Variants in VAV3 observed in about 807,000 individuals in gnomAD.
VAV3 encodes vav guanine nucleotide exchange factor 3.
VAV3 carries 94 observed loss-of-function variants against 131.2 expected under a neutral mutation model. The observed-to-expected ratio is 0.72, with a 90% CI of 0.61 to 0.85. VAV3 has a LOEUF of 0.85. Among genes scored for constraint, VAV3 ranks in the 40% least tolerant of loss-of-function variants. VAV3 has a pLI of 0.00. For missense variants in VAV3, 939 were observed against 1,002.7 expected (o/e 0.94, Z 0.86); for synonymous variants, 349 against 342.0 (o/e 1.02, Z -0.22).
At chr1:107,747,030 C>T (rs1358164297) in intron 15 of VAV3, among the ~76,000 whole-genome samples, 1 of 152,084 alleles carries the variant, frequency 6.6e-6, no homozygotes, top group Non-Finnish European at 1.5e-5. Context: ...CAGGCATGTG[C>T]CACCACACCC....
chr1:107,756,400 G>A (rs540435267), intron 11 of VAV3, among the ~76,000 whole-genome samples: 80 of 152,014 alleles, frequency 5.3e-4, no homozygotes, highest in African/African-American at 1.5e-3. Flanking sequence ...ATCCATAAAC[G>A]ACTTCTTTAA....
At chr1:107,706,229 A>G (rs1297695191) in intron 15 of VAV3, among the ~76,000 whole-genome samples, 1 of 152,144 alleles carries the variant, frequency 6.6e-6, no homozygotes, top group African/African-American at 2.4e-5. Flanking sequence ...CTTTTATAGA[A>G]TACAGCAACT....
At chr1:107,755,869 A>T (rs904024954) in intron 11 of VAV3, among the ~76,000 whole-genome samples, 8 of 152,188 alleles carry the variant, frequency 5.3e-5, no homozygotes, top group African/African-American at 1.7e-4. Flanking sequence ...TGAGAGCATG[A>T]TATTTTTACA....
chr1:107,600,214 G>T (rs12127127), intron 24 of VAV3, among the ~76,000 whole-genome samples: 4,846 of 152,172 alleles, frequency 0.032, 113 homozygotes, highest in East Asian at 0.066. Flanking sequence ...ATATAAATTT[G>T]CTCAACAAAT....
chr1:107,851,189 A>G (rs1266750175), intron 2 of VAV3, among the ~76,000 whole-genome samples: 2 of 151,482 alleles, frequency 1.3e-5, no homozygotes, highest in Non-Finnish European at 2.9e-5. Context: ...AAAAAAAAAA[A>G]AGAAGCCGGC....
intron 12 of VAV3, among the ~76,000 whole-genome samples, chr1:107,753,536 A>ATATATACATATATATATATG (rs1553201297): frequency 0.012 from 1,116 of 94,542 alleles, 23 homozygotes; most frequent in Non-Finnish European, 0.017. Context: ...ACGTATATAT[A>ATATATACATATATATATATG]TATATATATA....
At chr1:107,751,315 A>C in intron 12 of VAV3, 113 bp from the exon 13 acceptor site, 1 of 848,094 alleles carries the variant, frequency 1.2e-6, no homozygotes, top group Non-Finnish European at 1.8e-6. Context: ...AAATGTTACC[A>C]TTTTTTATAC....
At chr1:107,894,847 CT>C (rs1671489141) in intron 1 of VAV3, among the ~76,000 whole-genome samples, 1 of 152,182 alleles carries the variant, frequency 6.6e-6, no homozygotes, top group Admixed American at 6.5e-5. Flanking sequence ...TCCTGGTGTT[CT>C]GGTTGCCTGA....
At chr1:107,924,368 T>A (rs1173726526) in intron 1 of VAV3, among the ~76,000 whole-genome samples, 1 of 151,794 alleles carries the variant, frequency 6.6e-6, no homozygotes, top group Non-Finnish European at 1.5e-5. Flanking sequence ...GATAACAAAT[T>A]TTACCCTCCA....
intron 25 of VAV3, 98 bp downstream of exon 25, chr1:107,596,114 A>G (rs985464724): frequency 1.3e-6 from 2 of 1,490,424 alleles, no homozygotes; most frequent in Non-Finnish European, 1.8e-6. Flanking sequence ...TAGCGCATCC[A>G]TTGGTTATAT....
intron 1 of VAV3, among the ~76,000 whole-genome samples, chr1:107,930,714 A>G (rs538325223): frequency 3.9e-5 from 6 of 152,314 alleles, no homozygotes; most frequent in Admixed American, 3.3e-4. Context: ...TGAAAAGTCA[A>G]TGAAAAACTT....
chr1:107,637,134 T>G lies in VAV3; in HGVS notation c.1914+5485A>C, dbSNP rs865866325. Among the ~76,000 whole-genome samples the G allele has an allele frequency of 2.6e-5, 4 of 152,218 alleles. No individual in the cohort carries two copies. The East Asian group carries it at 7.7e-4, about 29-fold the overall frequency. The stretch of plus-strand genomic sequence containing the variant: ...TACATTACTGATATCGGGAATGAGA[T>G]GGATAATACAACCACAGATTCTATA... On this transcript the variant is annotated intron_variant, in intron 20 of 26. Transcript: ENST00000370056.
chr1:107,709,233 TCTC>T (rs1339861929), intron 15 of VAV3, among the ~76,000 whole-genome samples: 2 of 152,128 alleles, frequency 1.3e-5, no homozygotes, highest in Admixed American at 1.3e-4. Context: ...GGGTGCATCT[TCTC>T]CTTCTTACCA....
chr1:107,664,150 T>G (rs1657241144), intron 19 of VAV3, among the ~76,000 whole-genome samples: 1 of 152,190 alleles, frequency 6.6e-6, no homozygotes, highest in East Asian at 1.9e-4. Context: ...TTTTTCACCT[T>G]GTTTTGTACA....
intron 2 of VAV3, among the ~76,000 whole-genome samples, chr1:107,829,586 T>C (rs1200397722): frequency 6.6e-6 from 1 of 152,150 alleles, no homozygotes; most frequent in Non-Finnish European, 1.5e-5. Flanking sequence ...TCCTGTAAAA[T>C]AACCACAGTA....
intron 1 of VAV3, 35 bp downstream of exon 1, chr1:107,964,631 G>T: frequency 6.2e-7 from 1 of 1,600,028 alleles, no homozygotes; most frequent in Non-Finnish European, 8.5e-7. Context: ...GGGAGCTGCC[G>T]GCTGGAGGCG....
chr1:107,823,757 AGGCCCTG>A (rs1667897906), intron 2 of VAV3, among the ~76,000 whole-genome samples: 1 of 152,202 alleles, frequency 6.6e-6, no homozygotes, highest in Non-Finnish European at 1.5e-5. Flanking sequence ...CATAAGGGTG[AGGCCCTG>A]ATCTGACAGG....
At chr1:107,696,367 C>A (rs1156432921) in intron 17 of VAV3, among the ~76,000 whole-genome samples, 1 of 152,194 alleles carries the variant, frequency 6.6e-6, no homozygotes, top group Non-Finnish European at 1.5e-5. Flanking sequence ...TTATAGTCAG[C>A]CTATAGTGCT....
intron 2 of VAV3, among the ~76,000 whole-genome samples, chr1:107,842,333 CCA>C (rs1668757876): frequency 2.0e-5 from 3 of 152,190 alleles, no homozygotes; most frequent in Admixed American, 2.0e-4. Context: ...GCACTGTTGG[CCA>C]CAGTTGAGTG....
Sources: gnomAD v4.1 joint callset for allele counts (sites outside exome capture counted in the v4.1 genomes callset) on GRCh38, gnomAD v4.1.1 for gene constraint, MANE v1.5 for transcripts, NCBI Gene and HGNC (gene_info 2026-07-23, HGNC 2026-07-21) for gene names.